RGS3: variants seen among roughly 807,000 people sequenced by gnomAD.
RGS3 encodes the protein regulator of G-protein signalling 3.
In RGS3, 80 loss-of-function variants were observed where a neutral mutation model predicts 132.6. The observed-to-expected ratio is 0.60, with a 90% CI of 0.50 to 0.73. The LOEUF (loss-of-function observed/expected upper bound fraction) is 0.73, where lower values mean the gene tolerates loss of function less well. RGS3 is among the 30% of genes least tolerant of loss of function. The pLI, the probability that RGS3 is intolerant of heterozygous loss-of-function variation, is 0.00. For missense variants in RGS3, 1,382 were observed against 1,530.8 expected (o/e 0.90, Z 1.62); for synonymous variants, 598 against 620.6 (o/e 0.96, Z 0.54).
intron 19 of RGS3, chr9:113,582,739 G>A (rs577690753): frequency 2.6e-5 from 4 of 152,366 alleles, no homozygotes; most frequent in Admixed American, 2.6e-4. Flanking sequence ...GGCAGGAGAT[G>A]CTGTGTTTTT....
chr9:113,502,513 G>A (rs556240895), intron 10 of RGS3, among the ~76,000 whole-genome samples: 11 of 152,292 alleles, frequency 7.2e-5, no homozygotes, highest in Non-Finnish European at 8.8e-5. Context: ...GCCCTCCCCC[G>A]CTCTCAGGTT....
At chr9:113,559,323 C>T (rs113825153) in intron 19 of RGS3, among the ~76,000 whole-genome samples, 5,982 of 152,300 alleles carry the variant, frequency 0.039, 161 homozygotes, top group South Asian at 0.1. Context: ...CTGGTTGGAC[C>T]GGAGCCAGGA....
chr9:113,562,038 C>T (rs1043246821), intron 19 of RGS3, among the ~76,000 whole-genome samples: 1 of 152,212 alleles, frequency 6.6e-6, no homozygotes, highest in African/African-American at 2.4e-5. Context: ...CTGATGGGCT[C>T]ATCTGTTCCA....
At position 113,528,504 on chromosome 9, in the gene RGS3, C is replaced by T. The variant is rs1005571563; in HGVS notation, c.1871-717C>T. On this transcript the variant is annotated intron_variant, in intron 17 of 24. Coordinates refer to ENST00000350696, the Ensembl canonical transcript of RGS3. ...TTTTCCCAGAAGCTGGGTGTCATCT[C>T]CTGGTCCTCCTGCTTCTGAAGCGCT... Among the ~76,000 whole-genome samples the T allele has an allele frequency of 5.3e-5, 8 of 152,360 alleles. No individual in the cohort carries two copies. The South Asian group carries it at 1.2e-3, about 24-fold the overall frequency.
chr9:113,577,800 C>T (rs1834601283), intron 19 of RGS3, among the ~76,000 whole-genome samples: 1 of 152,232 alleles, frequency 6.6e-6, no homozygotes. Context: ...TGGACTCTCT[C>T]ACAGCACCCG....
At chr9:113,492,854 T>C (rs1331403167) in intron 7 of RGS3, among the ~76,000 whole-genome samples, 1 of 152,224 alleles carries the variant, frequency 6.6e-6, no homozygotes, top group Non-Finnish European at 1.5e-5. Flanking sequence ...CTGCCTGAGT[T>C]ACCATGAAAG....
intron 17 of RGS3, among the ~76,000 whole-genome samples, chr9:113,526,777 G>A (rs1319373941): frequency 6.6e-6 from 1 of 152,164 alleles, no homozygotes; most frequent in East Asian, 1.9e-4. Context: ...TGCGGGAAGC[G>A]AGGTCCACTC....
At chr9:113,515,282 C>T (rs1831596726) in intron 15 of RGS3, among the ~76,000 whole-genome samples, 1 of 152,100 alleles carries the variant, frequency 6.6e-6, no homozygotes, top group Non-Finnish European at 1.5e-5. Flanking sequence ...CCCTGCACTC[C>T]AGCCTCTTCT....
At chr9:113,468,727 C>T (rs921088543) in intron 3 of RGS3, among the ~76,000 whole-genome samples, 4 of 152,132 alleles carry the variant, frequency 2.6e-5, no homozygotes, top group South Asian at 4.1e-4. Flanking sequence ...TGCTTGGGAT[C>T]TCTAGTCACC....
In RGS3 at chr9:113,565,221, G is replaced by T. The variant is rs745932331; in HGVS notation, c.2038-18229G>T. 279 of 1,270,766 alleles carry T rather than the reference G, an allele frequency of 2.2e-4. No individual in the cohort carries two copies. The highest frequency in any genetic ancestry group is 8.5e-4 in the Admixed American group (35 of 41,358). 78.7% of individuals were successfully genotyped at this position (1,270,766 alleles called of 1,614,324 possible). On this transcript the variant is annotated intron_variant, in intron 19 of 24. Transcript: ENST00000350696. This position sits in a 1 kb window ranked among gnomAD's most constrained non-coding sequence, Gnocchi z 5.7. ...CCCTCGCGGGGTGGGCAGAAGGACG[G>T]GCTGGCCCAGGACCCTCTTCTTTGA... is the stretch of plus-strand genomic sequence containing the variant.
intron 14 of RGS3, among the ~76,000 whole-genome samples, chr9:113,509,139 A>G (rs1554766048): frequency 6.6e-6 from 1 of 151,748 alleles, no homozygotes; most frequent in Non-Finnish European, 1.5e-5. Context: ...CAAAATCACT[A>G]CTGGGCGTGG....
At chr9:113,510,936 T>C (rs954797721) in intron 14 of RGS3, among the ~76,000 whole-genome samples, 4 of 152,196 alleles carry the variant, frequency 2.6e-5, no homozygotes, top group Admixed American at 6.5e-5. Context: ...ACACTTGGGA[T>C]TGTCCAGAGG....
chr9:113,538,894 C>A (rs569468935), intron 19 of RGS3, among the ~76,000 whole-genome samples: 1 of 152,338 alleles, frequency 6.6e-6, no homozygotes, highest in African/African-American at 2.4e-5. Flanking sequence ...ACTTGGGCCA[C>A]CCTCCTAAGA....
At chr9:113,452,880 A>G (rs780405897) in intron 1 of RGS3, among the ~76,000 whole-genome samples, 2 of 141,186 alleles carry the variant, frequency 1.4e-5, no homozygotes, top group Non-Finnish European at 3.0e-5. Flanking sequence ...TAGTTGTTCA[A>G]TTGGGTCTTT....
At chr9:113,593,485 C>CATT (rs1412172530) in intron 21 of RGS3, 1 of 158,520 alleles carries the variant, frequency 6.3e-6, no homozygotes, top group African/African-American at 2.4e-5. Context: ...ATGCACACAA[C>CATT]ATTAAATAAT....
chr9:113,534,051 A>G (rs1164688558), intron 18 of RGS3, among the ~76,000 whole-genome samples: 1 of 152,176 alleles, frequency 6.6e-6, no homozygotes, highest in Non-Finnish European at 1.5e-5. Context: ...TGGGCCTGAG[A>G]GGAATGGCTG....
chr9:113,569,017 A>G (rs1328397282), intron 19 of RGS3, among the ~76,000 whole-genome samples: 1 of 152,090 alleles, frequency 6.6e-6, no homozygotes, highest in African/African-American at 2.4e-5. Flanking sequence ...ATCACTCGAG[A>G]TGTGTGGATA....
intron 1 of RGS3, among the ~76,000 whole-genome samples, chr9:113,450,271 C>T (rs1352831868): frequency 9.2e-5 from 14 of 151,440 alleles, no homozygotes. Flanking sequence ...CGGGGTTTCA[C>T]CGTATTAGCC....
intron 18 of RGS3, 45 bp downstream of exon 16, chr9:113,529,309 G>T (rs1832362752): frequency 6.8e-7 from 1 of 1,463,538 alleles, no homozygotes; most frequent in Non-Finnish European, 9.6e-7. Context: ...CTTCGACCTG[G>T]TGCTTGAGGG....
Sources: allele counts gnomAD v4.1 joint callset (sites outside exome capture counted in the v4.1 genomes callset), GRCh38; gene constraint gnomAD v4.1.1; non-coding constraint Gnocchi (gnomAD v3.1); transcripts MANE v1.5; gene names NCBI Gene and HGNC (gene_info 2026-07-23, HGNC 2026-07-21).